Variants in ATP10B observed in about 807,000 individuals in gnomAD.
ATP10B encodes the protein ATPase phospholipid transporting 10B (putative).
A neutral mutation model predicts 141.2 loss-of-function variants in ATP10B; 122 were observed. That is an observed-to-expected ratio of 0.86 (90% CI 0.75 to 1.00). The LOEUF is 1.00. Ranked by LOEUF, ATP10B falls within the 50% of genes least tolerant of loss-of-function variation. The pLI is 0.00. For missense variants in ATP10B, 1,876 were observed against 1,825.3 expected (o/e 1.03, Z -0.51); for synonymous variants, 685 against 692.0 (o/e 0.99, Z 0.16).
At chr5:160,886,292 G>A in the ATP10B span, among the ~76,000 whole-genome samples, 994 of 152,300 alleles carry the variant, frequency 6.5e-3, 15 homozygotes, top group African/African-American at 0.023. Flanking sequence ...TTAGGGTGGA[G>A]ATCAAGAAAG....
the ATP10B span, among the ~76,000 whole-genome samples, chr5:160,884,375 A>G: frequency 1.3e-5 from 2 of 152,228 alleles, no homozygotes; most frequent in South Asian, 2.1e-4. Context: ...GGGGACTGAC[A>G]TGTATAAAGA....
intron 18 of ATP10B, among the ~76,000 whole-genome samples, chr5:160,611,244 G>C (rs1036905710): frequency 4.6e-5 from 7 of 152,120 alleles, no homozygotes; most frequent in African/African-American, 1.4e-4. Context: ...TGTTCCTTAG[G>C]AGCTTTGGCT....
intron 3 of ATP10B, among the ~76,000 whole-genome samples, chr5:160,707,208 C>G (rs1438078949): frequency 1.3e-5 from 2 of 152,226 alleles, no homozygotes; most frequent in Admixed American, 6.5e-5. Flanking sequence ...ACCTCAGCCT[C>G]CCACAGTGCT....
intron 1 of ATP10B, among the ~76,000 whole-genome samples, chr5:160,848,940 T>C (rs1240844461): frequency 6.6e-6 from 1 of 152,240 alleles, no homozygotes; most frequent in African/African-American, 2.4e-5. Flanking sequence ...TAACTGGGCA[T>C]GTTCTCCAGG....
the ATP10B span, among the ~76,000 whole-genome samples, chr5:160,868,672 C>T: frequency 6.6e-6 from 1 of 151,834 alleles, no homozygotes; most frequent in African/African-American, 2.4e-5. Flanking sequence ...ATGATGCTAC[C>T]CCAAGTTCTG....
chr5:160,849,390 GGCT>G (rs1333466362), intron 1 of ATP10B, among the ~76,000 whole-genome samples: 1 of 152,032 alleles, frequency 6.6e-6, no homozygotes, highest in Non-Finnish European at 1.5e-5. Context: ...GTTGTTTTCA[GGCT>G]GCTAACTATC....
chr5:160,626,980 G>T (rs1265472671), intron 13 of ATP10B, among the ~76,000 whole-genome samples: 1 of 152,132 alleles, frequency 6.6e-6, no homozygotes, highest in African/African-American at 2.4e-5. Context: ...AATCCTTCAT[G>T]GCATAGTTCC....
At chr5:160,786,016 T>A (rs1771122729) in intron 1 of ATP10B, among the ~76,000 whole-genome samples, 1 of 152,160 alleles carries the variant, frequency 6.6e-6, no homozygotes, top group Admixed American at 6.5e-5. Flanking sequence ...TCTGCCACCA[T>A]ACAGAATGCA....
intron 7 of ATP10B, among the ~76,000 whole-genome samples, chr5:160,653,873 G>GTA (rs545842966): frequency 1.9e-4 from 21 of 108,000 alleles, no homozygotes; most frequent in African/African-American, 7.2e-4. Context: ...ATTAATATAC[G>GTA]TATATACATA....
chr5:160,633,996 A>G, intron 12 of ATP10B: 1 of 377,884 alleles, frequency 2.6e-6, no homozygotes, highest in South Asian at 2.1e-5. Context: ...AGGTGGCCTG[A>G]GAAATTCCTA....
At chr5:160,569,449 G>A (rs748544246) in intron 25 of ATP10B, 47 bp downstream of exon 25, 2 of 1,598,256 alleles carry the variant, frequency 1.3e-6, no homozygotes, top group Non-Finnish European at 8.6e-7. Flanking sequence ...GCTTATTAAA[G>A]GGAGATTGGT....
intron 7 of ATP10B, among the ~76,000 whole-genome samples, chr5:160,665,133 T>C (rs142790213): frequency 2.2e-4 from 34 of 152,206 alleles, no homozygotes; most frequent in African/African-American, 6.5e-4. Context: ...AGATGGCCCA[T>C]TGGGATAAAA....
At chr5:160,927,845 G>A in the ATP10B span, among the ~76,000 whole-genome samples, 1 of 152,236 alleles carries the variant, frequency 6.6e-6, no homozygotes, top group Admixed American at 6.5e-5. Flanking sequence ...CACAGTGAGG[G>A]AGAGGAATTG....
chr5:160,567,100 G>A (rs752806933), intron 25 of ATP10B, among the ~76,000 whole-genome samples: 1 of 152,106 alleles, frequency 6.6e-6, no homozygotes, highest in Non-Finnish European at 1.5e-5. Context: ...TTCAAAACTG[G>A]AATTTCCTTA....
At chr5:160,822,997 TATAC>T (rs202020661) in intron 1 of ATP10B, among the ~76,000 whole-genome samples, 4,805 of 39,498 alleles carry the variant, frequency 0.12, 182 homozygotes, top group South Asian at 0.15. Context: ...TACATATATA[TATAC>T]ATATATATAT....
At chr5:160,668,073 A>G (rs1021321013) in intron 7 of ATP10B, among the ~76,000 whole-genome samples, 3 of 152,106 alleles carry the variant, frequency 2.0e-5, no homozygotes, top group African/African-American at 7.2e-5. Flanking sequence ...TCTACTAAAA[A>G]TACAAAAAAT....
chr5:160,598,874 A>C lies in ATP10B; in HGVS notation c.3460T>G (p.Phe1154Val). 4 of 1,614,200 alleles carry C rather than the reference A, an allele frequency of 2.5e-6. No individual in the cohort carries two copies. The highest frequency in any genetic ancestry group is 3.4e-6 in the Non-Finnish European group (4 of 1,180,022). The stretch of plus-strand genomic sequence containing the variant: ...AAGACAAGAGGAGGCAAGGAGGTAA[A>C]GAAGAGATTGAAGAATATCATCTGC... ...YWQMIFFNLF[F>V]TSLPPLVFGV... The change falls in exon 22 of 26, where the codon TTT becomes GTT. Residue 1154 changes from phenylalanine (F) to valine (V), a missense_variant. Phe to Val is a conservative substitution (Grantham distance 50). Coordinates refer to ENST00000327245, the MANE Select transcript of ATP10B (RefSeq NM_025153.3).
the ATP10B span, among the ~76,000 whole-genome samples, chr5:160,865,996 A>T: frequency 4.6e-5 from 7 of 152,278 alleles, no homozygotes; most frequent in East Asian, 1.2e-3. Context: ...ACTATGGATA[A>T]CAATATGGCG....
the ATP10B span, among the ~76,000 whole-genome samples, chr5:160,857,377 G>A: frequency 1.3e-4 from 19 of 151,444 alleles, no homozygotes; most frequent in African/African-American, 3.6e-4. Flanking sequence ...CTGTGTCAGT[G>A]GTGATATCCA....
Sources: allele counts gnomAD v4.1 joint callset (sites outside exome capture counted in the v4.1 genomes callset), GRCh38; gene constraint gnomAD v4.1.1; transcripts MANE v1.5; gene names NCBI Gene and HGNC (gene_info 2026-07-23, HGNC 2026-07-21).